MTSS1: variants seen among roughly 807,000 people sequenced by gnomAD.
MTSS1 encodes MTSS I-BAR domain containing 1, also known as protein MTSS 1.
Under a neutral mutation model 79.0 loss-of-function variants are expected in MTSS1, and 18 were observed. The ratio of observed to expected loss-of-function variants is 0.23; its 90% confidence interval spans 0.16 to 0.34. MTSS1 has a LOEUF of 0.34. MTSS1 is among the 10% of genes least tolerant of loss of function. MTSS1 has a pLI of 1.00. For synonymous variants in MTSS1, 341 were observed against 368.6 expected (o/e 0.93, Z 0.86); for missense variants, 815 against 986.2 (o/e 0.83, Z 2.33).
At chr8:124,690,860 A>T (rs915445724) in intron 3 of MTSS1, among the ~76,000 whole-genome samples, 10 of 152,212 alleles carry the variant, frequency 6.6e-5, no homozygotes, top group African/African-American at 1.9e-4. Flanking sequence ...GTATTTTTTT[A>T]AATTTATAAA....
At chr8:124,722,136 A>C (rs1365757740) in intron 1 of MTSS1, among the ~76,000 whole-genome samples, 1 of 151,312 alleles carries the variant, frequency 6.6e-6, no homozygotes, top group African/African-American at 2.4e-5. Context: ...TTTTTTTTTC[A>C]CCCACTTACA....
chr8:124,595,258 C>T (rs1832557999), intron 3 of MTSS1, among the ~76,000 whole-genome samples: 1 of 152,188 alleles, frequency 6.6e-6, no homozygotes, highest in South Asian at 2.1e-4. Flanking sequence ...GTATTCGTTT[C>T]CCTTTGCTGC....
chr8:124,685,885 G>A (rs1483434807), intron 3 of MTSS1, among the ~76,000 whole-genome samples: 1 of 152,216 alleles, frequency 6.6e-6, no homozygotes, highest in African/African-American at 2.4e-5. Flanking sequence ...ACAAGTGGGA[G>A]GGGACAGGCC....
chr8:124,593,461 G>T lies in MTSS1; in HGVS notation c.209-2226C>A, dbSNP rs556900672. Among the ~76,000 whole-genome samples, 3 of 152,338 alleles carry T rather than the reference G, an allele frequency of 2.0e-5. No individual in the cohort carries two copies. In the South Asian group the frequency reaches 6.2e-4, roughly 32 times the overall value. On this transcript the variant is annotated intron_variant, in intron 3 of 13. Coordinates refer to ENST00000518547, the MANE Select transcript of MTSS1 (RefSeq NM_014751.6). ...TGAAAGAAAGTCCTTACCTACAAGGGTAGTCATCGAAATGTTGTTCACAGC... is the reference window on the plus strand; with the variant it reads ...TGAAAGAAAGTCCTTACCTACAAGGTTAGTCATCGAAATGTTGTTCACAGC...
intron 3 of MTSS1, chr8:124,673,100 G>A (rs150737166): frequency 1.3e-5 from 2 of 152,278 alleles, no homozygotes; most frequent in South Asian, 2.1e-4. Flanking sequence ...TTAGGAAGGT[G>A]AGCTGTGTTT....
chr8:124,604,348 C>T (rs745622468), intron 3 of MTSS1, among the ~76,000 whole-genome samples: 5 of 152,136 alleles, frequency 3.3e-5, no homozygotes, highest in Non-Finnish European at 7.4e-5. Flanking sequence ...CAAGCTTGAT[C>T]TAAATGTTCT....
chr8:124,607,125 C>T (rs1323892035), intron 3 of MTSS1, among the ~76,000 whole-genome samples: 3 of 152,206 alleles, frequency 2.0e-5, no homozygotes, highest in Admixed American at 1.3e-4. Flanking sequence ...GGCAGACATG[C>T]CAAGCTTCGC....
intron 3 of MTSS1, among the ~76,000 whole-genome samples, chr8:124,626,410 G>A (rs553331147): frequency 3.3e-5 from 5 of 152,302 alleles, no homozygotes; most frequent in African/African-American, 9.6e-5. Context: ...GCTGAGGTGG[G>A]AGGATAGCTT....
At chr8:124,576,903 A>G (rs1165699482) in intron 6 of MTSS1, among the ~76,000 whole-genome samples, 1 of 112,268 alleles carries the variant, frequency 8.9e-6, no homozygotes, top group African/African-American at 3.0e-5. Context: ...TAACGCTAAG[A>G]AAAATACTCA....
chr8:124,686,172 C>T (rs953920188), intron 3 of MTSS1, among the ~76,000 whole-genome samples: 24 of 152,210 alleles, frequency 1.6e-4, no homozygotes, highest in African/African-American at 5.8e-4. Context: ...CCACCCAGGG[C>T]CACACAGCTG....
chr8:124,727,703 C>T lies in MTSS1; in HGVS notation c.72+181G>A, dbSNP rs892616013. 9 of 674,402 alleles carry T rather than the reference C, an allele frequency of 1.3e-5. No individual in the cohort carries two copies. Among genetic ancestry groups the T allele is most frequent in the Non-Finnish European group, 2.4e-5 (9 of 371,450 alleles). 41.8% of individuals were successfully genotyped at this position (674,402 alleles called of 1,614,324 possible). On this transcript the variant is annotated intron_variant, in intron 1 of 13. Coordinates refer to ENST00000518547, the MANE Select transcript of MTSS1 (RefSeq NM_014751.6). The surrounding 1 kb of genome is among the most constrained non-coding windows in gnomAD (Gnocchi z 4.7). Reference sequence around the variant, plus strand: ...CCAGAGAAGCCACCCGCCCAGTGACCCCGCAGAGCCCGGAGCAGCGCCCCG... The same window carrying T: ...CCAGAGAAGCCACCCGCCCAGTGACTCCGCAGAGCCCGGAGCAGCGCCCCG...
intron 3 of MTSS1, among the ~76,000 whole-genome samples, chr8:124,682,026 T>C (rs1826205216): frequency 6.6e-6 from 1 of 152,118 alleles, no homozygotes; most frequent in South Asian, 2.1e-4. Context: ...AATTTACAGA[T>C]GAGAAAACAG....
chr8:124,572,718 TG>T (rs1483962445), intron 6 of MTSS1, among the ~76,000 whole-genome samples: 2 of 151,336 alleles, frequency 1.3e-5, no homozygotes, highest in African/African-American at 4.9e-5. Context: ...AGAGCAGCCC[TG>T]GGCTACTTTC....
At chr8:124,659,363 C>G (rs998015079) in intron 3 of MTSS1, among the ~76,000 whole-genome samples, 1 of 152,166 alleles carries the variant, frequency 6.6e-6, no homozygotes, top group Non-Finnish European at 1.5e-5. Flanking sequence ...GACACTCAAT[C>G]TATTTCTGTG....
At chr8:124,610,976 G>A (rs112927959) in intron 3 of MTSS1, among the ~76,000 whole-genome samples, 89 of 152,238 alleles carry the variant, frequency 5.8e-4, no homozygotes, top group African/African-American at 1.8e-3. Flanking sequence ...CAGCACCAAG[G>A]ACCCTGGTGG....
chr8:124,576,607 A>C lies in MTSS1; in HGVS notation c.461-8071T>G, dbSNP rs115212779. ...TGAATGAATGAAAGAACAAACTAAT[A>C]AATGGAGGCTGGAGTGTTTTGCAGG... is the stretch of plus-strand genomic sequence containing the variant. On this transcript the variant is annotated intron_variant, in intron 6 of 13. Coordinates refer to ENST00000518547, the MANE Select transcript of MTSS1 (RefSeq NM_014751.6). Among the ~76,000 whole-genome samples the C allele has an allele frequency of 4.2e-3, 638 of 152,322 alleles. 3 individuals are homozygous for C. The highest frequency in any genetic ancestry group is 0.015 in the African/African-American group (618 of 41,572).
chr8:124,554,023 G>C (rs747672980), intron 13 of MTSS1, among the ~76,000 whole-genome samples: 1 of 152,236 alleles, frequency 6.6e-6, no homozygotes, highest in Non-Finnish European at 1.5e-5. Context: ...GGGGATGAAA[G>C]AAGACAAATT....
chr8:124,631,311 C>T (rs1340335713), intron 3 of MTSS1, among the ~76,000 whole-genome samples: 1 of 152,200 alleles, frequency 6.6e-6, no homozygotes, highest in Non-Finnish European at 1.5e-5. Flanking sequence ...TGACACAAAA[C>T]GCCCTTTACT....
intron 3 of MTSS1, among the ~76,000 whole-genome samples, chr8:124,592,663 T>A (rs911167470): frequency 2.0e-5 from 3 of 152,232 alleles, no homozygotes; most frequent in Admixed American, 2.0e-4. Context: ...ATATCGTATA[T>A]TAATATTTCT....
Sources: allele counts gnomAD v4.1 joint callset (sites outside exome capture counted in the v4.1 genomes callset), GRCh38; gene constraint gnomAD v4.1.1; non-coding constraint Gnocchi (gnomAD v3.1); transcripts MANE v1.5; gene names NCBI Gene and HGNC (gene_info 2026-07-23, HGNC 2026-07-21).